The following KLHL4 variants were observed in gnomAD, a reference collection of about 807,000 sequenced individuals.
The protein encoded by KLHL4 is kelch-like protein 4.
In KLHL4, 17 loss-of-function variants were observed where a neutral mutation model predicts 45.8. The observed-to-expected ratio is 0.37, with a 90% CI of 0.25 to 0.56. The LOEUF (loss-of-function observed/expected upper bound fraction) is 0.56. KLHL4 is among the 20% of genes least tolerant of loss of function. The pLI, the probability that KLHL4 is intolerant of heterozygous loss-of-function variation, is 0.79. For synonymous variants in KLHL4, 224 were observed against 189.9 expected (o/e 1.18, Z -1.47); for missense variants, 544 against 544.9 (o/e 1.00, Z 0.02).
At chrX:87,523,352 A>G (rs779098728) in intron 1 of KLHL4, among the ~76,000 whole-genome samples, 1 of 111,880 alleles carries the variant, frequency 8.9e-6, no homozygotes, top group East Asian at 2.8e-4. Flanking sequence ...TATTTGTACC[A>G]GTGTGAAATT....
At position 87,625,632 on chromosome X, in the gene KLHL4, G is replaced by A; in HGVS notation, c.1160G>A (p.Ser387Asn). Residue 387 changes from serine to asparagine, a missense_variant, in exon 6 of 11, where the codon AGT becomes AAT. Transcript: ENST00000373119. ...PPQLLADLET[S>N]SMFTGDLECQ... ...CAGTTACTGGCAGATCTTGAAACCA[G>A]TTCCATGTTTACTGGTGATCTTGAG... The A allele has an allele frequency of 8.3e-7, 1 of 1,207,102 alleles. No homozygotes were observed. Among genetic ancestry groups the A allele is most frequent in the Non-Finnish European group, 1.1e-6 (1 of 893,280 alleles).
At chrX:87,553,562 A>G (rs1008778308) in intron 1 of KLHL4, among the ~76,000 whole-genome samples, 1 of 110,447 alleles carries the variant, frequency 9.1e-6, no homozygotes, top group African/African-American at 3.3e-5. Flanking sequence ...AGAATATCTT[A>G]ATTCTAATAT....
intron 1 of KLHL4, among the ~76,000 whole-genome samples, chrX:87,547,683 TGGTGGCAGGCACCTG>T (rs1931714468): frequency 9.1e-6 from 1 of 110,484 alleles, no homozygotes; most frequent in Non-Finnish European, 1.9e-5. Flanking sequence ...TAGCTGGGCA[TGGTGGCAGGCACCTG>T]TAGTCCTAGC....
intron 1 of KLHL4, among the ~76,000 whole-genome samples, chrX:87,604,993 C>T (rs1460259267): frequency 1.8e-5 from 2 of 111,144 alleles, no homozygotes; most frequent in African/African-American, 6.5e-5. Flanking sequence ...GCTGGATATC[C>T]AATTTTCCCA....
intron 6 of KLHL4, among the ~76,000 whole-genome samples, chrX:87,631,543 A>G (rs1923095606): frequency 9.0e-6 from 1 of 111,685 alleles, no homozygotes; most frequent in African/African-American, 3.3e-5. Flanking sequence ...ATTTATATAG[A>G]CAGAGTCTCA....
At chrX:87,542,879 G>A (rs1176785911) in intron 1 of KLHL4, among the ~76,000 whole-genome samples, 1 of 111,630 alleles carries the variant, frequency 9.0e-6, no homozygotes, top group Non-Finnish European at 1.9e-5. Context: ...GCCAGAGGCA[G>A]AATGATATTG....
At chrX:87,572,032 C>A (rs1382889694) in intron 1 of KLHL4, among the ~76,000 whole-genome samples, 2 of 98,568 alleles carry the variant, frequency 2.0e-5, no homozygotes, top group Non-Finnish European at 4.0e-5. Flanking sequence ...TTGCTACTAA[C>A]AAAAATAAAA....
chrX:87,666,143 G>A (rs1309278097), intron 10 of KLHL4, among the ~76,000 whole-genome samples: 1 of 111,523 alleles, frequency 9.0e-6, no homozygotes, highest in Non-Finnish European at 1.9e-5. Context: ...TAACTACTAA[G>A]TGCAAATTGT....
At chrX:87,555,862 A>G (rs1310591401) in intron 1 of KLHL4, among the ~76,000 whole-genome samples, 2 of 110,364 alleles carry the variant, frequency 1.8e-5, no homozygotes, top group African/African-American at 6.6e-5. Context: ...ATTTAGTGCT[A>G]TAAATTTCCC....
chrX:87,534,314 G>A (rs200567163), intron 1 of KLHL4, among the ~76,000 whole-genome samples: 1 of 110,401 alleles, frequency 9.1e-6, no homozygotes, highest in South Asian at 3.8e-4. Flanking sequence ...TTGGTTTGGG[G>A]GTAGAACATA....
intron 1 of KLHL4, among the ~76,000 whole-genome samples, chrX:87,560,957 A>G (rs1190676637): frequency 9.0e-6 from 1 of 111,566 alleles, no homozygotes; most frequent in Non-Finnish European, 1.9e-5. Flanking sequence ...CATGCAGAAG[A>G]ATGAAACTAG....
At chrX:87,566,689 G>A (rs950896248) in intron 1 of KLHL4, among the ~76,000 whole-genome samples, 1 of 111,695 alleles carries the variant, frequency 9.0e-6, no homozygotes, top group Admixed American at 9.5e-5. Context: ...AAGTGAGAAC[G>A]TCTGTACTAG....
intron 1 of KLHL4, among the ~76,000 whole-genome samples, chrX:87,526,196 G>T (rs1931107165): frequency 8.9e-6 from 1 of 112,131 alleles, no homozygotes. Context: ...ATGAGTAACA[G>T]ACTGTCACAT....
At chrX:87,654,489 A>ATGTGTG (rs59086766) in intron 9 of KLHL4, among the ~76,000 whole-genome samples, 1 of 106,773 alleles carries the variant, frequency 9.4e-6, no homozygotes, top group African/African-American at 3.4e-5. Context: ...GTGTATGTAT[A>ATGTGTG]TGTGTGTGTG....
At chrX:87,523,717 C>T (rs1032564168) in intron 1 of KLHL4, among the ~76,000 whole-genome samples, 6 of 111,652 alleles carry the variant, frequency 5.4e-5, no homozygotes, top group Non-Finnish European at 1.1e-4. Context: ...AATCCCAGCA[C>T]TTTGGGAGGC....
chrX:87,555,912 T>C (rs1255661076), intron 1 of KLHL4, among the ~76,000 whole-genome samples: 1 of 110,633 alleles, frequency 9.0e-6, no homozygotes, highest in Non-Finnish European at 1.9e-5. Flanking sequence ...GATTCTGGTA[T>C]GTTGTGTCTT....
chrX:87,520,754 C>T (rs774136115), intron 1 of KLHL4, among the ~76,000 whole-genome samples: 9 of 112,159 alleles, frequency 8.0e-5, no homozygotes, highest in Non-Finnish European at 1.5e-4. Context: ...ACTAACTCTG[C>T]ATCTTTGCTT....
chrX:87,602,664 A>G (rs181209097), intron 1 of KLHL4, among the ~76,000 whole-genome samples: 1 of 111,656 alleles, frequency 9.0e-6, no homozygotes, highest in Admixed American at 9.5e-5. Flanking sequence ...TTGCACAAGA[A>G]AATTGCCTAT....
chrX:87,575,758 G>A (rs1921080955), intron 1 of KLHL4, among the ~76,000 whole-genome samples: 2 of 111,300 alleles, frequency 1.8e-5, no homozygotes, highest in Admixed American at 1.9e-4. Flanking sequence ...AATCTAATCT[G>A]GGCAGTGAGA....
Sources: gnomAD v4.1 joint callset for allele counts (sites outside exome capture counted in the v4.1 genomes callset) on GRCh38, gnomAD v4.1.1 for gene constraint, MANE v1.5 for transcripts, NCBI Gene and HGNC (gene_info 2026-07-23, HGNC 2026-07-21) for gene names.